The following ERC2 variants were observed in gnomAD, a reference collection of about 807,000 sequenced individuals.
ERC2 encodes ELKS/RAB6-interacting/CAST family member 2, also known as ERC protein 2.
ERC2 carries 42 observed loss-of-function variants against 114.8 expected under a neutral mutation model. That is an observed-to-expected ratio of 0.37 (90% CI 0.29 to 0.47). The LOEUF (loss-of-function observed/expected upper bound fraction) is 0.47, where lower values mean the gene tolerates loss of function less well. Among genes scored for constraint, ERC2 ranks in the 20% least tolerant of loss-of-function variants. The pLI, the probability that ERC2 is intolerant of heterozygous loss-of-function variation, is 0.99. For missense variants in ERC2, 939 were observed against 1,150.7 expected (o/e 0.82, Z 2.66); for synonymous variants, 454 against 425.5 (o/e 1.07, Z -0.82).
intron 17 of ERC2, among the ~76,000 whole-genome samples, chr3:55,612,406 C>CT (rs1369486193): frequency 6.6e-6 from 1 of 152,192 alleles, no homozygotes; most frequent in Non-Finnish European, 1.5e-5. Flanking sequence ...ACAGCAACTC[C>CT]TTGCTTTTGC....
intron 14 of ERC2, among the ~76,000 whole-genome samples, chr3:55,870,605 C>A (rs2062538869): frequency 6.6e-6 from 1 of 152,024 alleles, no homozygotes; most frequent in Non-Finnish European, 1.5e-5. Flanking sequence ...AGATTCAAAT[C>A]CAAGTCATTT....
At chr3:56,436,197 G>C (rs962911537) in intron 1 of ERC2, among the ~76,000 whole-genome samples, 1 of 152,126 alleles carries the variant, frequency 6.6e-6, no homozygotes, top group Non-Finnish European at 1.5e-5. Flanking sequence ...AAGGCAAACA[G>C]GTTCAAATGT....
chr3:56,323,790 G>A (rs1428154305), intron 2 of ERC2, among the ~76,000 whole-genome samples: 2 of 152,108 alleles, frequency 1.3e-5, no homozygotes, highest in African/African-American at 2.4e-5. Context: ...TTCCTCATTC[G>A]CAGGAGGTTA....
chr3:56,140,265 T>A (rs1320898643), intron 5 of ERC2, among the ~76,000 whole-genome samples: 1 of 152,148 alleles, frequency 6.6e-6, no homozygotes, highest in Non-Finnish European at 1.5e-5. Context: ...ATTACCCATG[T>A]CCTATCCCAT....
chr3:56,361,744 A>G (rs1488490796), intron 2 of ERC2, among the ~76,000 whole-genome samples: 11 of 152,202 alleles, frequency 7.2e-5, no homozygotes, highest in African/African-American at 2.4e-4. Flanking sequence ...AGTAGTAGAG[A>G]TGGTTCATAT....
chr3:56,040,653 T>C (rs1447776810), intron 7 of ERC2, among the ~76,000 whole-genome samples: 1 of 143,068 alleles, frequency 7.0e-6, no homozygotes, highest in Non-Finnish European at 1.5e-5. Context: ...TAGATGTATA[T>C]GTATATATAC....
chr3:55,811,054 G>A (rs1030758838), intron 14 of ERC2, among the ~76,000 whole-genome samples: 1 of 152,124 alleles, frequency 6.6e-6, no homozygotes, highest in African/African-American at 2.4e-5. Context: ...TTGGTGATAC[G>A]GAAAGGTTCT....
At chr3:55,732,845 T>C (rs186788759) in intron 15 of ERC2, among the ~76,000 whole-genome samples, 1 of 152,298 alleles carries the variant, frequency 6.6e-6, no homozygotes, top group East Asian at 1.9e-4. Flanking sequence ...AATCATGATC[T>C]AATGCTATCA....
At chr3:56,247,890 A>G (rs1239564163) in intron 3 of ERC2, among the ~76,000 whole-genome samples, 3 of 152,248 alleles carry the variant, frequency 2.0e-5, no homozygotes, top group African/African-American at 7.2e-5. Flanking sequence ...CAGTGGAACA[A>G]ATGAGAAAAC....
chr3:55,926,661 A>T (rs748892853), intron 13 of ERC2, among the ~76,000 whole-genome samples: 17 of 151,988 alleles, frequency 1.1e-4, no homozygotes, highest in Non-Finnish European at 2.2e-4. Context: ...CTCCTTTATC[A>T]CCTTCTGTCT....
intron 14 of ERC2, among the ~76,000 whole-genome samples, chr3:55,875,024 C>A (rs758474759): frequency 2.6e-5 from 4 of 152,162 alleles, no homozygotes; most frequent in Admixed American, 1.3e-4. Flanking sequence ...AGACCCTCCC[C>A]AGAGTCAGCC....
chr3:56,165,846 T>G lies in ERC2; in HGVS notation c.1149+7600A>C, dbSNP rs530841610. ...TATATATGGATTCACTGATATTTTCTACAGACTCGATTATGGTACTTGTGA... is the reference window on the plus strand; with the variant it reads ...TATATATGGATTCACTGATATTTTCGACAGACTCGATTATGGTACTTGTGA... On this transcript the variant is annotated intron_variant, in intron 4 of 17. Coordinates refer to ENST00000288221, the MANE Select transcript of ERC2 (RefSeq NM_015576.3). 3.3e-5 allele frequency among the ~76,000 whole-genome samples: 5 copies of G among 152,178 alleles called. No homozygotes were observed. The South Asian group carries it at 1.0e-3, about 32-fold the overall frequency.
chr3:56,006,728 G>A (rs555122256), intron 10 of ERC2, among the ~76,000 whole-genome samples: 95 of 152,046 alleles, frequency 6.2e-4, no homozygotes, highest in Non-Finnish European at 1.2e-3. Context: ...TGACAATTTT[G>A]GTGAACTTCT....
intron 14 of ERC2, among the ~76,000 whole-genome samples, chr3:55,832,442 C>T (rs908762517): frequency 1.3e-5 from 2 of 152,238 alleles, no homozygotes; most frequent in Admixed American, 6.5e-5. Context: ...GCAGCATTCA[C>T]GGTTCACGAA....
rs1384682136 is a variant in ERC2 at position 56,383,987 on chromosome 3, A to G, written c.657+50364T>C. On this transcript the variant is annotated intron_variant, in intron 2 of 17. Coordinates refer to ENST00000288221, the MANE Select transcript of ERC2 (RefSeq NM_015576.3). ...TTGTGACTGGTTTATTTCATTTAGCATAATGTCCTCAAGGTTCATCCATGT... is the reference window on the plus strand; with the variant it reads ...TTGTGACTGGTTTATTTCATTTAGCGTAATGTCCTCAAGGTTCATCCATGT... Among the ~76,000 whole-genome samples the G allele has an allele frequency of 4.6e-5, 7 of 152,310 alleles. No individual in the cohort carries two copies. In the South Asian group the frequency reaches 1.4e-3, roughly 32 times the overall value.
intron 2 of ERC2, among the ~76,000 whole-genome samples, chr3:56,374,209 G>A (rs188290206): frequency 6.6e-6 from 1 of 152,240 alleles, no homozygotes; most frequent in East Asian, 1.9e-4. Context: ...CCATTCTCCT[G>A]CCTCAGCCTC....
At chr3:56,295,079 C>G (rs1307429884) in intron 3 of ERC2, among the ~76,000 whole-genome samples, 1 of 152,190 alleles carries the variant, frequency 6.6e-6, no homozygotes, top group Non-Finnish European at 1.5e-5. Flanking sequence ...AAACAAGTGA[C>G]TCACAAGAAG....
intron 10 of ERC2, among the ~76,000 whole-genome samples, chr3:55,997,730 A>T (rs1420161049): frequency 2.7e-5 from 4 of 150,492 alleles, no homozygotes; most frequent in East Asian, 1.9e-4. Flanking sequence ...ACAAAAAAAA[A>T]TTACAATATC....
intron 14 of ERC2, among the ~76,000 whole-genome samples, chr3:55,762,467 C>T (rs533555574): frequency 2.6e-5 from 4 of 152,338 alleles, no homozygotes; most frequent in East Asian, 3.9e-4. Flanking sequence ...ACAACAGACA[C>T]ACAAATGAAT....
Sources: gnomAD v4.1 joint callset for allele counts (sites outside exome capture counted in the v4.1 genomes callset) on GRCh38, gnomAD v4.1.1 for gene constraint, MANE v1.5 for transcripts, NCBI Gene and HGNC (gene_info 2026-07-23, HGNC 2026-07-21) for gene names.